Variants in CDH13 observed in about 807,000 individuals in gnomAD.
CDH13 encodes cadherin 13.
A neutral mutation model predicts 63.8 loss-of-function variants in CDH13; 24 were observed. The ratio of observed to expected loss-of-function variants is 0.38; its 90% CI spans 0.27 to 0.53. CDH13 has a LOEUF of 0.53. Among genes scored for constraint, CDH13 ranks in the 20% least tolerant of loss-of-function variants. The probability of loss-of-function intolerance (pLI) is 0.85; values close to 1 mark genes in which losing one functional copy is unlikely to be tolerated. For missense variants in CDH13, 1,049 were observed against 903.1 expected (o/e 1.16, Z -2.07); for synonymous variants, 503 against 355.3 (o/e 1.42, Z -4.67).
At chr16:83,634,961 T>C (rs1208974703) in intron 8 of CDH13, among the ~76,000 whole-genome samples, 1 of 152,214 alleles carries the variant, frequency 6.6e-6, no homozygotes, top group Admixed American at 6.5e-5. Context: ...TGCTGGATCA[T>C]ATATTAAGTG....
At chr16:83,293,875 CACTGTTTACCAGGAATTAT>C in intron 5 of CDH13, among the ~76,000 whole-genome samples, 1 of 152,146 alleles carries the variant, frequency 6.6e-6, no homozygotes, top group Non-Finnish European at 1.5e-5. Flanking sequence ...CTAAGGGCTT[CACTGTTTACCAGGAATTAT>C]ACTATGCCCT....
chr16:83,622,275 G>T (rs1909883853), intron 8 of CDH13, among the ~76,000 whole-genome samples: 1 of 152,080 alleles, frequency 6.6e-6, no homozygotes, highest in African/African-American at 2.4e-5. Flanking sequence ...AGGAATGTGA[G>T]GTGTGAGTCA....
chr16:82,658,233 G>T (rs946366415), intron 1 of CDH13, among the ~76,000 whole-genome samples: 1 of 152,216 alleles, frequency 6.6e-6, no homozygotes, highest in African/African-American at 2.4e-5. Context: ...CAAAAGTTGT[G>T]AGCAGGGAGG....
intron 6 of CDH13, among the ~76,000 whole-genome samples, chr16:83,435,346 C>T (rs1276658271): frequency 6.6e-6 from 1 of 152,146 alleles, no homozygotes; most frequent in Non-Finnish European, 1.5e-5. Context: ...GCCTGGCCCC[C>T]TATTTGACAT....
At chr16:83,408,974 G>A (rs2092087586) in intron 6 of CDH13, among the ~76,000 whole-genome samples, 1 of 152,156 alleles carries the variant, frequency 6.6e-6, no homozygotes, top group Non-Finnish European at 1.5e-5. Flanking sequence ...ATTGGTGTCT[G>A]CTTTTCAGTG....
intron 1 of CDH13, among the ~76,000 whole-genome samples, chr16:82,698,259 A>G (rs1212892546): frequency 6.6e-6 from 1 of 152,228 alleles, no homozygotes; most frequent in Non-Finnish European, 1.5e-5. Flanking sequence ...TTGCATGTCA[A>G]GCATATGTTT....
intron 2 of CDH13, among the ~76,000 whole-genome samples, chr16:82,870,739 A>G (rs551614961): frequency 8.5e-5 from 13 of 152,220 alleles, no homozygotes; most frequent in Non-Finnish European, 1.6e-4. Flanking sequence ...TCAAAACATC[A>G]TAGGTCCCCT....
intron 11 of CDH13, among the ~76,000 whole-genome samples, chr16:83,750,814 C>A (rs1306486469): frequency 6.6e-6 from 1 of 152,146 alleles, no homozygotes; most frequent in Non-Finnish European, 1.5e-5. Context: ...GGACTTCAGG[C>A]CTCCAGAACT....
chr16:82,834,898 T>C (rs1305949916), intron 1 of CDH13, among the ~76,000 whole-genome samples: 2 of 152,234 alleles, frequency 1.3e-5, no homozygotes, highest in Non-Finnish European at 2.9e-5. Flanking sequence ...AATGGCTACA[T>C]AAAATCCTTA....
intron 2 of CDH13, among the ~76,000 whole-genome samples, chr16:82,934,986 C>T (rs1201412116): frequency 6.6e-6 from 1 of 152,224 alleles, no homozygotes; most frequent in African/African-American, 2.4e-5. Flanking sequence ...TCCAAAGTCA[C>T]TTCCACATTT....
chr16:82,635,221 A>G (rs1597174799), intron 1 of CDH13, among the ~76,000 whole-genome samples: 2 of 152,372 alleles, frequency 1.3e-5, no homozygotes, highest in African/African-American at 2.4e-5. Flanking sequence ...CTCAGCAAAC[A>G]TGAATGAACA....
At chr16:83,162,304 A>G (rs1387002190) in intron 4 of CDH13, among the ~76,000 whole-genome samples, 1 of 152,144 alleles carries the variant, frequency 6.6e-6, no homozygotes, top group African/African-American at 2.4e-5. Flanking sequence ...TGTCACGATG[A>G]CAAAGATGCT....
chr16:83,489,001 C>A (rs987530839), intron 7 of CDH13, among the ~76,000 whole-genome samples: 8 of 152,134 alleles, frequency 5.3e-5, no homozygotes, highest in Non-Finnish European at 1.0e-4. Context: ...TCTCTATTCC[C>A]CACTTGACAC....
At chr16:82,844,242 A>G (rs1229149070) in intron 1 of CDH13, among the ~76,000 whole-genome samples, 1 of 152,182 alleles carries the variant, frequency 6.6e-6, no homozygotes, top group Non-Finnish European at 1.5e-5. Flanking sequence ...GCTGGCTTGA[A>G]TGAAGAAGGA....
chr16:83,506,879 C>A (rs1301525481), intron 7 of CDH13, among the ~76,000 whole-genome samples: 1 of 152,218 alleles, frequency 6.6e-6, no homozygotes, highest in African/African-American at 2.4e-5. Flanking sequence ...AGTAGACCTT[C>A]TAGCCCCCAT....
chr16:83,185,548 C>A (rs1029990517), intron 4 of CDH13, among the ~76,000 whole-genome samples: 1 of 152,144 alleles, frequency 6.6e-6, no homozygotes, highest in Non-Finnish European at 1.5e-5. Context: ...TTTCTCACCA[C>A]GGTAAGTCAT....
At chr16:83,192,265 C>A (rs1339531734) in intron 4 of CDH13, among the ~76,000 whole-genome samples, 1 of 152,120 alleles carries the variant, frequency 6.6e-6, no homozygotes, top group East Asian at 1.9e-4. Flanking sequence ...ACCTTCATGC[C>A]CACAGTATTC....
intron 11 of CDH13, among the ~76,000 whole-genome samples, chr16:83,761,051 C>G (rs1913926944): frequency 6.6e-6 from 1 of 152,216 alleles, no homozygotes; most frequent in Admixed American, 6.5e-5. Flanking sequence ...CTACACACAG[C>G]TCAACATACT....
intron 1 of CDH13, among the ~76,000 whole-genome samples, chr16:82,850,680 A>G (rs1191522135): frequency 6.6e-6 from 1 of 152,202 alleles, no homozygotes; most frequent in African/African-American, 2.4e-5. Flanking sequence ...AAGAGTCGAT[A>G]GATTGGCAAA....
Sources: allele counts gnomAD v4.1 joint callset (sites outside exome capture counted in the v4.1 genomes callset), GRCh38; gene constraint gnomAD v4.1.1; transcripts MANE v1.5; gene names NCBI Gene and HGNC (gene_info 2026-07-23, HGNC 2026-07-21).